Variants in NRG3 observed in about 807,000 individuals in gnomAD.
NRG3 encodes pro-neuregulin-3, membrane-bound isoform.
In NRG3, 31 loss-of-function variants were observed where a neutral mutation model predicts 66.9. The ratio of observed to expected loss-of-function variants is 0.46; its 90% confidence interval spans 0.35 to 0.63. NRG3 has a LOEUF of 0.63. Among genes scored for constraint, NRG3 ranks in the 20% least tolerant of loss-of-function variants. The pLI, the probability that NRG3 is intolerant of heterozygous loss-of-function variation, is 0.00. For synonymous variants in NRG3, 393 were observed against 359.4 expected (o/e 1.09, Z -1.06); for missense variants, 910 against 878.9 (o/e 1.04, Z -0.45).
intron 1 of NRG3, among the ~76,000 whole-genome samples, chr10:82,006,592 C>A (rs1261721613): frequency 6.6e-6 from 1 of 152,038 alleles, no homozygotes. Context: ...TTAATCCCAT[C>A]AGAAGTTACT....
intron 2 of NRG3, among the ~76,000 whole-genome samples, chr10:82,711,154 C>T (rs1267190038): frequency 6.6e-6 from 1 of 152,194 alleles, no homozygotes; most frequent in Non-Finnish European, 1.5e-5. Flanking sequence ...TCATAGCTCA[C>T]TGCAGCCTCA....
At chr10:82,677,632 C>A (rs2053808342) in intron 2 of NRG3, among the ~76,000 whole-genome samples, 1 of 152,012 alleles carries the variant, frequency 6.6e-6, no homozygotes. Flanking sequence ...TTAGCAGGGG[C>A]AAATTGTATG....
intron 1 of NRG3, among the ~76,000 whole-genome samples, chr10:82,003,349 A>G (rs2061247724): frequency 6.6e-6 from 1 of 152,204 alleles, no homozygotes; most frequent in Non-Finnish European, 1.5e-5. Flanking sequence ...TAGAGGAGTT[A>G]AACATTGGGG....
At chr10:82,628,099 CCA>C (rs1277974455) in intron 2 of NRG3, among the ~76,000 whole-genome samples, 1 of 152,130 alleles carries the variant, frequency 6.6e-6, no homozygotes, top group East Asian at 1.9e-4. Context: ...AGTCTTTGCA[CCA>C]CACACTACAT....
intron 2 of NRG3, among the ~76,000 whole-genome samples, chr10:82,535,688 G>A (rs968948223): frequency 1.3e-5 from 2 of 152,134 alleles, no homozygotes; most frequent in Admixed American, 1.3e-4. Flanking sequence ...ATTTTGAAAA[G>A]AGCCAGAGCT....
intron 1 of NRG3, among the ~76,000 whole-genome samples, chr10:82,325,573 AT>A (rs1177226306): frequency 6.6e-6 from 1 of 151,460 alleles, no homozygotes; most frequent in Non-Finnish European, 1.5e-5. Flanking sequence ...TGTAGGCAGC[AT>A]ATAATTGGGT....
chr10:82,318,431 T>C (rs1247647799), intron 1 of NRG3, among the ~76,000 whole-genome samples: 1 of 152,242 alleles, frequency 6.6e-6, no homozygotes, highest in Admixed American at 6.5e-5. Context: ...AAGATTACCG[T>C]GTTTCACTCC....
At chr10:82,247,262 C>G (rs2077285856) in intron 1 of NRG3, among the ~76,000 whole-genome samples, 2 of 152,114 alleles carry the variant, frequency 1.3e-5, no homozygotes, top group African/African-American at 4.8e-5. Context: ...GTGGGTAGCT[C>G]ATAACAAATA....
At chr10:82,112,377 G>A (rs1471502436) in intron 1 of NRG3, among the ~76,000 whole-genome samples, 2 of 152,064 alleles carry the variant, frequency 1.3e-5, no homozygotes, top group Non-Finnish European at 2.9e-5. Context: ...TGAAGTTGTG[G>A]GGTTATTCTT....
chr10:82,615,188 G>T (rs1240902765), intron 2 of NRG3, among the ~76,000 whole-genome samples: 5 of 152,222 alleles, frequency 3.3e-5, no homozygotes, highest in African/African-American at 7.2e-5. Flanking sequence ...TTAACTGGCA[G>T]AGCTGTTTCA....
At chr10:82,946,153 G>A (rs1340137394) in intron 4 of NRG3, among the ~76,000 whole-genome samples, 1 of 151,160 alleles carries the variant, frequency 6.6e-6, no homozygotes, top group Non-Finnish European at 1.5e-5. Context: ...GGAGCTTACT[G>A]TGCAAGGCTT....
intron 2 of NRG3, among the ~76,000 whole-genome samples, chr10:82,419,980 C>T (rs1273735338): frequency 6.6e-6 from 1 of 152,134 alleles, no homozygotes; most frequent in Admixed American, 6.6e-5. Context: ...AAGGTGTGAT[C>T]CAGAAACTCA....
intron 1 of NRG3, among the ~76,000 whole-genome samples, chr10:82,102,130 A>C (rs2066781961): frequency 1.2e-4 from 1 of 8,262 alleles, no homozygotes; most frequent in African/African-American, 3.6e-4. Flanking sequence ...ATATATGTGT[A>C]TTCATATATA....
chr10:82,306,185 T>C (rs138256582), intron 1 of NRG3, among the ~76,000 whole-genome samples: 3 of 152,342 alleles, frequency 2.0e-5, no homozygotes, highest in East Asian at 3.9e-4. Flanking sequence ...ATTATTTGTA[T>C]TAACACTTGA....
chr10:82,538,782 G>T (rs982224837), intron 2 of NRG3, among the ~76,000 whole-genome samples: 1 of 152,004 alleles, frequency 6.6e-6, no homozygotes, highest in Non-Finnish European at 1.5e-5. Flanking sequence ...TTACCTTCGA[G>T]GCCAAAATAC....
chr10:81,906,455 G>T (rs1311718045), intron 1 of NRG3, among the ~76,000 whole-genome samples: 2 of 152,158 alleles, frequency 1.3e-5, no homozygotes, highest in Admixed American at 1.3e-4. Context: ...TAGCATTTGA[G>T]AAATTTCTGA....
At chr10:82,021,610 G>A (rs1381495185) in intron 1 of NRG3, among the ~76,000 whole-genome samples, 1 of 152,068 alleles carries the variant, frequency 6.6e-6, no homozygotes, top group Non-Finnish European at 1.5e-5. Context: ...CTTTGCTCTG[G>A]AAGAATAGAG....
rs60881629 is a variant in NRG3, at chr10:82,479,966, TCAAAAA to T, written c.953+121121_953+121126del. Among the ~76,000 whole-genome samples, 665 of 152,210 alleles carry T rather than the reference TCAAAAA, an allele frequency of 4.4e-3. 4 individuals carry two copies. Among genetic ancestry groups the T allele is most frequent in the African/African-American group, 0.015 (635 of 41,514 alleles). ...CTGGGCTACAGAGCGAGACTGCGTCTCAAAAACAAAAACAAAAACAAAAACAAACAA... is the reference window on the plus strand; with the variant it reads ...CTGGGCTACAGAGCGAGACTGCGTCTCAAAAACAAAAACAAAAACAAACAA... On this transcript the variant is annotated intron_variant, in intron 2 of 8. Transcript: ENST00000372141.
intron 1 of NRG3, among the ~76,000 whole-genome samples, chr10:82,010,014 C>T (rs2061515959): frequency 6.6e-6 from 1 of 152,112 alleles, no homozygotes; most frequent in Non-Finnish European, 1.5e-5. Context: ...GTGGAGATAA[C>T]AAGGGCTCAG....
Sources: gnomAD v4.1 joint callset for allele counts (sites outside exome capture counted in the v4.1 genomes callset) on GRCh38, gnomAD v4.1.1 for gene constraint, MANE v1.5 for transcripts, NCBI Gene and HGNC (gene_info 2026-07-23, HGNC 2026-07-21) for gene names.